PRDM16: variants seen among roughly 807,000 people sequenced by gnomAD.
PRDM16 encodes the protein PR/SET domain 16.
PRDM16 carries 23 observed loss-of-function variants against 110.6 expected under a neutral mutation model. The observed-to-expected ratio is 0.21, with a 90% CI of 0.15 to 0.29. The LOEUF (loss-of-function observed/expected upper bound fraction) is 0.29, where lower values mean the gene tolerates loss of function less well. Ranked by LOEUF, PRDM16 falls within the 10% of genes least tolerant of loss-of-function variation. The probability of loss-of-function intolerance (pLI) is 1.00; values close to 1 mark genes in which losing one functional copy is unlikely to be tolerated. For synonymous variants in PRDM16, 799 were observed against 781.8 expected (o/e 1.02, Z -0.37); for missense variants, 1,615 against 1,794.3 (o/e 0.90, Z 1.81).
intron 3 of PRDM16, among the ~76,000 whole-genome samples, chr1:3,282,706 C>G (rs1438653490): frequency 1.3e-5 from 2 of 152,202 alleles, no homozygotes; most frequent in African/African-American, 2.4e-5. Flanking sequence ...GCCACCAGAG[C>G]TGGTCACTGC....
chr1:3,409,444 C>G (rs1164766063), intron 8 of PRDM16, among the ~76,000 whole-genome samples: 1 of 152,052 alleles, frequency 6.6e-6, no homozygotes, highest in Non-Finnish European at 1.5e-5. Flanking sequence ...CCAGGCTGGA[C>G]GAGCAGGAAG....
chr1:3,222,029 C>T (rs545680052), intron 2 of PRDM16, among the ~76,000 whole-genome samples: 158 of 152,362 alleles, frequency 1.0e-3, no homozygotes, highest in Non-Finnish European at 1.9e-3. Flanking sequence ...AGGGCGTCCA[C>T]TGCTCCCCAG....
At chr1:3,337,063 G>A (rs1411390713) in intron 3 of PRDM16, among the ~76,000 whole-genome samples, 1 of 151,964 alleles carries the variant, frequency 6.6e-6, no homozygotes, top group East Asian at 1.9e-4. Flanking sequence ...CTGTTGGTGT[G>A]AATCTGTGTG....
chr1:3,201,121 T>G lies in PRDM16; in HGVS notation c.387+14647T>G, dbSNP rs535185641. Among the ~76,000 whole-genome samples, 669 of 152,146 alleles carry G rather than the reference T, an allele frequency of 4.4e-3. 9 individuals are homozygous for G. The highest frequency in any genetic ancestry group is 0.015 in the African/African-American group (638 of 41,510). Reference sequence around the variant, plus strand: ...GATGGCAGAAGGACATCAGGACCCCTGAGTTTTGGGAGCATAGACCACGCT... The same window carrying G: ...GATGGCAGAAGGACATCAGGACCCCGGAGTTTTGGGAGCATAGACCACGCT... On this transcript the variant is annotated intron_variant, in intron 2 of 16. Transcript: ENST00000270722. This position sits in a 1 kb window ranked among gnomAD's most constrained non-coding sequence, Gnocchi z 4.1.
At chr1:3,406,426 T>C (rs1481268522) in intron 8 of PRDM16, among the ~76,000 whole-genome samples, 2 of 151,204 alleles carry the variant, frequency 1.3e-5, no homozygotes, top group Non-Finnish European at 2.9e-5. Context: ...GTTTAAGGAG[T>C]GAGTGAGCGG....
At position 3,081,704 on chromosome 1, in the gene PRDM16, G is replaced by C. The variant is rs1424322603; in HGVS notation, c.37+12408G>C. On this transcript the variant is annotated intron_variant, in intron 1 of 16. Coordinates refer to ENST00000270722, the MANE Select transcript of PRDM16 (RefSeq NM_022114.4). The surrounding 1 kb of genome is among the most constrained non-coding windows in gnomAD (Gnocchi z 4.6). Reference sequence around the variant, plus strand: ...GGCCACACAGCCGCTTCCCACCCCTGGGTGTCGGTCACTAGAGAGTGGGTA... The same window carrying C: ...GGCCACACAGCCGCTTCCCACCCCTCGGTGTCGGTCACTAGAGAGTGGGTA... 6.6e-6 allele frequency among the ~76,000 whole-genome samples: 1 copy of C among 152,164 alleles called. No homozygotes were observed. Among genetic ancestry groups the C allele is most frequent in the Non-Finnish European group, 1.5e-5 (1 of 68,020 alleles).
At chr1:3,400,602 C>A (rs750099971) in intron 5 of PRDM16, among the ~76,000 whole-genome samples, 1 of 152,158 alleles carries the variant, frequency 6.6e-6, no homozygotes, top group African/African-American at 2.4e-5. Flanking sequence ...AGGTTTGGGA[C>A]GGAGCCCTCC....
intron 1 of PRDM16, among the ~76,000 whole-genome samples, chr1:3,085,376 G>A (rs771301783): frequency 3.3e-4 from 50 of 152,334 alleles, no homozygotes; most frequent in Non-Finnish European, 5.9e-4. Context: ...CAGGGGCTCC[G>A]AGTCCCCTCA....
intron 3 of PRDM16, among the ~76,000 whole-genome samples, chr1:3,378,613 G>A (rs72849647): frequency 0.012 from 1,751 of 152,218 alleles, 26 homozygotes; most frequent in African/African-American, 0.038. Flanking sequence ...TCATAGGCCC[G>A]CGGCGATGAG....
intron 2 of PRDM16, among the ~76,000 whole-genome samples, chr1:3,204,246 G>T (rs758379855): frequency 1.3e-5 from 2 of 152,314 alleles, no homozygotes; most frequent in Admixed American, 6.5e-5. Context: ...AGTGTGTGTG[G>T]GTGTGACTTC....
At chr1:3,086,484 C>T (rs1057415683) in intron 1 of PRDM16, among the ~76,000 whole-genome samples, 1 of 152,172 alleles carries the variant, frequency 6.6e-6, no homozygotes, top group Non-Finnish European at 1.5e-5. Flanking sequence ...CAGTGTCCTC[C>T]CTTTGCTTCT....
At chr1:3,167,445 C>T (rs770385745) in intron 1 of PRDM16, among the ~76,000 whole-genome samples, 41 of 152,166 alleles carry the variant, frequency 2.7e-4, no homozygotes, top group South Asian at 8.3e-4. Flanking sequence ...TGCTTGTCAC[C>T]GGGGGTCACA....
chr1:3,163,643 T>C (rs1353120795), intron 1 of PRDM16, among the ~76,000 whole-genome samples: 1 of 151,636 alleles, frequency 6.6e-6, no homozygotes, highest in African/African-American at 2.4e-5. Context: ...GGGGCGGTCC[T>C]TTGGAGGCTC....
Position 3,175,684 on chromosome 1 carries a change from C to T in PRDM16, c.38-10441C>T, listed in dbSNP as rs1471438191. On this transcript the variant is annotated intron_variant, in intron 1 of 16. Transcript: ENST00000270722. This position sits in a 1 kb window ranked among gnomAD's most constrained non-coding sequence, Gnocchi z 4.8. ...GGCCAAGTCCCAGAACTCAGACCTG[C>T]CCACCCGCCACATGGGTGCAGGGAG... Among the ~76,000 whole-genome samples, 1 of 152,194 alleles carries T rather than the reference C, an allele frequency of 6.6e-6. No homozygotes were observed. The highest frequency in any genetic ancestry group is 1.5e-5 in the Non-Finnish European group (1 of 68,030).
rs369633033 is a variant in PRDM16, at chr1:3,202,866, T to C, written c.387+16392T>C. On this transcript the variant is annotated intron_variant, in intron 2 of 16. Coordinates refer to ENST00000270722, the MANE Select transcript of PRDM16 (RefSeq NM_022114.4). ...TGAGGAACTAAGAGAGGCATCTTGC[T>C]GGCCCCACCCAACTCCAGCCTGTGG... 1.1e-4 allele frequency among the ~76,000 whole-genome samples: 17 copies of C among 152,274 alleles called. No homozygotes were observed. In the South Asian group the frequency reaches 1.7e-3, roughly 15 times the overall value.
At position 3,181,408 on chromosome 1, in the gene PRDM16, ACG is replaced by A. The variant is rs1299391692; in HGVS notation, c.38-4715_38-4714del. 2.4e-3 allele frequency among the ~76,000 whole-genome samples: 162 copies of A among 68,262 alleles called. 37 individuals are homozygous for A. Among genetic ancestry groups the A allele is most frequent in the Non-Finnish European group, 3.4e-3 (109 of 32,074 alleles). 44.8% of individuals were successfully genotyped at this position (68,262 alleles called of 152,430 possible). A position where few individuals can be genotyped will look rare whatever the true frequency, so the allele number is the denominator to read the frequency against. ...CACGGCCTTACGCATGGTCTTACACACGCAGTCTTACACACGCGGTCTTACAC... is the reference window on the plus strand; with the variant it reads ...CACGGCCTTACGCATGGTCTTACACACAGTCTTACACACGCGGTCTTACAC... On this transcript the variant is annotated intron_variant, in intron 1 of 16. Coordinates refer to ENST00000270722, the MANE Select transcript of PRDM16 (RefSeq NM_022114.4).
intron 3 of PRDM16, among the ~76,000 whole-genome samples, chr1:3,362,566 C>T (rs1005107640): frequency 3.3e-5 from 5 of 152,064 alleles, no homozygotes; most frequent in South Asian, 2.1e-4. Context: ...CAGTGGAAGA[C>T]GGAGAAGAGG....
intron 1 of PRDM16, among the ~76,000 whole-genome samples, chr1:3,158,046 T>C (rs1557490292): frequency 6.6e-6 from 1 of 152,246 alleles, no homozygotes; most frequent in Non-Finnish European, 1.5e-5. Flanking sequence ...AGATAATATC[T>C]GGTATACTTT....
intron 3 of PRDM16, among the ~76,000 whole-genome samples, chr1:3,287,510 G>A (rs977871307): frequency 3.2e-5 from 2 of 62,800 alleles, no homozygotes; most frequent in African/African-American, 8.2e-5. Context: ...GAGCCGCCCC[G>A]CCACGCGGGC....
Sources: gnomAD v4.1 joint callset for allele counts (sites outside exome capture counted in the v4.1 genomes callset) on GRCh38, gnomAD v4.1.1 for gene constraint, Gnocchi (gnomAD v3.1) non-coding constraint, MANE v1.5 for transcripts, NCBI Gene and HGNC (gene_info 2026-07-23, HGNC 2026-07-21) for gene names.